GRIA1: variants seen among roughly 807,000 people sequenced by gnomAD.
GRIA1 encodes the protein glutamate ionotropic receptor AMPA type subunit 1.
In GRIA1, 31 loss-of-function variants were observed where a neutral mutation model predicts 99.2. The observed-to-expected ratio is 0.31, with a 90% CI of 0.23 to 0.42. The LOEUF (loss-of-function observed/expected upper bound fraction) is 0.42. GRIA1 is among the 10% of genes least tolerant of loss of function. The probability of loss-of-function intolerance (pLI) is 1.00; values close to 1 mark genes in which losing one functional copy is unlikely to be tolerated. For missense variants in GRIA1, 782 were observed against 1,157.5 expected (o/e 0.68, Z 4.71); for synonymous variants, 438 against 432.4 (o/e 1.01, Z -0.16).
At chr5:153,548,201 G>T (rs1413883136) in intron 2 of GRIA1, among the ~76,000 whole-genome samples, 2 of 152,118 alleles carry the variant, frequency 1.3e-5, no homozygotes, top group African/African-American at 4.8e-5. Context: ...CAGAATTCAT[G>T]TTGTATTAGA....
intron 11 of GRIA1, among the ~76,000 whole-genome samples, chr5:153,709,941 T>TA (rs1759190272): frequency 6.6e-6 from 1 of 152,182 alleles, no homozygotes; most frequent in South Asian, 2.1e-4. Flanking sequence ...CCACTGTGCC[T>TA]AAAATCAATG....
At chr5:153,510,853 G>A (rs1374204337) in intron 2 of GRIA1, among the ~76,000 whole-genome samples, 1 of 152,114 alleles carries the variant, frequency 6.6e-6, no homozygotes, top group African/African-American at 2.4e-5. Flanking sequence ...TTTTTAAAGT[G>A]TTTTAGGAGC....
At chr5:153,768,069 G>T (rs988970585) in intron 12 of GRIA1, among the ~76,000 whole-genome samples, 1 of 152,140 alleles carries the variant, frequency 6.6e-6, no homozygotes, top group Non-Finnish European at 1.5e-5. Context: ...TCTTGCAATT[G>T]CCCTGCTGTG....
At chr5:153,553,543 T>C (rs1028821817) in intron 2 of GRIA1, among the ~76,000 whole-genome samples, 1 of 152,180 alleles carries the variant, frequency 6.6e-6, no homozygotes, top group South Asian at 2.1e-4. Flanking sequence ...CCACTGATTC[T>C]TCCATTGGGA....
chr5:153,682,090 A>G (rs1479575911), intron 7 of GRIA1, among the ~76,000 whole-genome samples: 3 of 151,706 alleles, frequency 2.0e-5, no homozygotes, highest in African/African-American at 7.3e-5. Flanking sequence ...GGGAAGCTGC[A>G]TGAGACAGTC....
intron 8 of GRIA1, among the ~76,000 whole-genome samples, chr5:153,694,208 A>G (rs1757945695): frequency 6.6e-6 from 1 of 152,238 alleles, no homozygotes; most frequent in Non-Finnish European, 1.5e-5. Context: ...ACTATCCTTA[A>G]AAATTAAGGT....
At chr5:153,806,365 A>C (rs1766427754) in intron 15 of GRIA1, among the ~76,000 whole-genome samples, 1 of 152,114 alleles carries the variant, frequency 6.6e-6, no homozygotes, top group Non-Finnish European at 1.5e-5. Context: ...TCCCAGGTTC[A>C]AGTGATTCTC....
intron 1 of GRIA1, among the ~76,000 whole-genome samples, chr5:153,491,514 TCC>T (rs1324276909): frequency 4.6e-5 from 7 of 152,128 alleles, no homozygotes; most frequent in Non-Finnish European, 1.0e-4. Flanking sequence ...AGGCCCCCAC[TCC>T]AAGGCGGGTA....
intron 2 of GRIA1, among the ~76,000 whole-genome samples, chr5:153,626,049 T>G (rs1767572749): frequency 6.6e-6 from 1 of 152,230 alleles, no homozygotes; most frequent in East Asian, 1.9e-4. Flanking sequence ...GAGACCTGAC[T>G]CTGCAGATGA....
intron 13 of GRIA1, among the ~76,000 whole-genome samples, chr5:153,779,182 C>T (rs1425636207): frequency 6.6e-6 from 1 of 152,190 alleles, no homozygotes; most frequent in African/African-American, 2.4e-5. Context: ...ATCCTTCCCT[C>T]ATCTTTTGAT....
intron 2 of GRIA1, among the ~76,000 whole-genome samples, chr5:153,561,335 G>A (rs188755539): frequency 1.4e-4 from 22 of 152,264 alleles, no homozygotes; most frequent in African/African-American, 3.8e-4. Context: ...GCCTGGACCC[G>A]TACTCAAGGA....
At chr5:153,778,338 C>T (rs1371728795) in intron 13 of GRIA1, among the ~76,000 whole-genome samples, 2 of 151,826 alleles carry the variant, frequency 1.3e-5, no homozygotes, top group Non-Finnish European at 1.5e-5. Context: ...TGCGCTAGTC[C>T]GGTGCAAAAG....
intron 11 of GRIA1, among the ~76,000 whole-genome samples, chr5:153,762,440 C>T (rs1457750825): frequency 6.6e-6 from 1 of 152,152 alleles, no homozygotes; most frequent in African/African-American, 2.4e-5. Context: ...ATGAAAAGAG[C>T]ACTGGGATAG....
chr5:153,733,138 T>G (rs1438622366), intron 11 of GRIA1, among the ~76,000 whole-genome samples: 5 of 151,938 alleles, frequency 3.3e-5, no homozygotes, highest in Non-Finnish European at 5.9e-5. Flanking sequence ...ATATATATGT[T>G]GTAGATCCAT....
intron 5 of GRIA1, among the ~76,000 whole-genome samples, chr5:153,660,308 C>T (rs1370195513): frequency 6.6e-6 from 1 of 152,136 alleles, no homozygotes; most frequent in Non-Finnish European, 1.5e-5. Flanking sequence ...ACATTCTAGA[C>T]ACTATGATAA....
At chr5:153,564,994 G>A (rs1296640057) in intron 2 of GRIA1, among the ~76,000 whole-genome samples, 1 of 152,088 alleles carries the variant, frequency 6.6e-6, no homozygotes, top group Admixed American at 6.5e-5. Context: ...TTTTACAAGT[G>A]TAATTTCATT....
chr5:153,514,179 A>G (rs1331665296), intron 2 of GRIA1, among the ~76,000 whole-genome samples: 5 of 152,208 alleles, frequency 3.3e-5, no homozygotes, highest in African/African-American at 1.2e-4. Context: ...ATTATTGCCC[A>G]TAACCCATCA....
intron 10 of GRIA1, among the ~76,000 whole-genome samples, chr5:153,701,845 G>A (rs76018828): frequency 0.084 from 12,771 of 151,928 alleles, 640 homozygotes; most frequent in South Asian, 0.16. Context: ...TAACTAAGTC[G>A]ATCAGGCTCT....
intron 11 of GRIA1, among the ~76,000 whole-genome samples, chr5:153,757,657 G>A (rs1762920931): frequency 6.6e-6 from 1 of 152,154 alleles, no homozygotes; most frequent in African/African-American, 2.4e-5. Context: ...TAGGAGTACT[G>A]AAGGAAAAGA....
Sources: allele counts gnomAD v4.1 joint callset (sites outside exome capture counted in the v4.1 genomes callset), GRCh38; gene constraint gnomAD v4.1.1; transcripts MANE v1.5; gene names NCBI Gene and HGNC (gene_info 2026-07-23, HGNC 2026-07-21).